Variants in CSNK2A2IP observed in about 807,000 individuals in gnomAD.
CSNK2A2IP encodes casein kinase II subunit alpha'-interacting protein.
At chr3:88,447,543 T>C in the CSNK2A2IP span, among the ~76,000 whole-genome samples, 3 of 152,216 alleles carry the variant, frequency 2.0e-5, no homozygotes, top group South Asian at 6.2e-4. Context: ...AAGGGAAAAT[T>C]ATGGGCTATG....
the CSNK2A2IP span, among the ~76,000 whole-genome samples, chr3:88,450,281 T>A: frequency 6.6e-6 from 1 of 152,164 alleles, no homozygotes. Flanking sequence ...TTAACATGAC[T>A]ATAATCTCAC....
At chr3:88,370,571 CCTTT>C in the CSNK2A2IP span, among the ~76,000 whole-genome samples, 1 of 148,812 alleles carries the variant, frequency 6.7e-6, no homozygotes, top group Non-Finnish European at 1.5e-5. Flanking sequence ...TCCCTTCCTT[CCTTT>C]CTTTCTCTCT....
the CSNK2A2IP span, among the ~76,000 whole-genome samples, chr3:88,386,044 T>G: frequency 6.6e-6 from 1 of 152,334 alleles, no homozygotes; most frequent in South Asian, 2.1e-4. Flanking sequence ...TTGATTCATT[T>G]GGGAGATGTA....
the CSNK2A2IP span, among the ~76,000 whole-genome samples, chr3:88,461,628 C>A: frequency 1.3e-5 from 2 of 152,174 alleles, no homozygotes; most frequent in African/African-American, 4.8e-5. Flanking sequence ...ATCAACTTAA[C>A]ATTTTCACCA....
chr3:88,388,088 C>T, the CSNK2A2IP span, among the ~76,000 whole-genome samples: 1 of 152,130 alleles, frequency 6.6e-6, no homozygotes, highest in Non-Finnish European at 1.5e-5. Context: ...GTGCACAGAA[C>T]TCTTTATTTT....
At chr3:88,341,865 C>A in the CSNK2A2IP span, among the ~76,000 whole-genome samples, 3 of 151,888 alleles carry the variant, frequency 2.0e-5, no homozygotes, top group East Asian at 5.8e-4. Context: ...TGTTTGAAAA[C>A]AATGGTGATG....
At chr3:88,465,636 C>T in the CSNK2A2IP span, 2 of 1,231,520 alleles carry the variant, frequency 1.6e-6, no homozygotes, top group Admixed American at 4.2e-5. Flanking sequence ...CACCATTGTT[C>T]CATGCCAAGC....
chr3:88,411,575 AT>A, the CSNK2A2IP span, among the ~76,000 whole-genome samples: 1 of 151,936 alleles, frequency 6.6e-6, no homozygotes, highest in Non-Finnish European at 1.5e-5. Flanking sequence ...ACAGATACGG[AT>A]TTTGTAGAAA....
At chr3:88,339,861 AC>A in the CSNK2A2IP span, among the ~76,000 whole-genome samples, 1 of 151,996 alleles carries the variant, frequency 6.6e-6, no homozygotes, top group Non-Finnish European at 1.5e-5. Context: ...GTGGAGAGAC[AC>A]CTTTTTAAGA....
the CSNK2A2IP span, among the ~76,000 whole-genome samples, chr3:88,365,162 A>C: frequency 6.6e-6 from 1 of 152,220 alleles, no homozygotes; most frequent in Non-Finnish European, 1.5e-5. Context: ...AATAGATCAA[A>C]ATATACAAGA....
chr3:88,459,691 T>C, the CSNK2A2IP span, among the ~76,000 whole-genome samples: 1 of 152,124 alleles, frequency 6.6e-6, no homozygotes, highest in Non-Finnish European at 1.5e-5. Flanking sequence ...TGTTTTTGCT[T>C]TCATATGTTT....
At chr3:88,383,651 C>CTTTTTTT in the CSNK2A2IP span, among the ~76,000 whole-genome samples, 25 of 88,384 alleles carry the variant, frequency 2.8e-4, no homozygotes, top group African/African-American at 5.1e-4. Context: ...TCTTTTCTTT[C>CTTTTTTT]TTTTTTTTTT....
the CSNK2A2IP span, among the ~76,000 whole-genome samples, chr3:88,368,284 T>A: frequency 6.6e-6 from 1 of 151,786 alleles, no homozygotes; most frequent in African/African-American, 2.4e-5. Flanking sequence ...GCAGGTGACA[T>A]TTTTGCTGGA....
At chr3:88,458,860 C>T in the CSNK2A2IP span, among the ~76,000 whole-genome samples, 7 of 152,166 alleles carry the variant, frequency 4.6e-5, no homozygotes, top group African/African-American at 7.2e-5. Flanking sequence ...GACCATACTG[C>T]GCATTATTTG....
At chr3:88,466,143 C>A in the CSNK2A2IP span, 3 of 1,231,648 alleles carry the variant, frequency 2.4e-6, no homozygotes, top group Admixed American at 8.4e-5. Flanking sequence ...CACCTTCTTT[C>A]AAACCCAATC....
At chr3:88,399,930 CA>C in the CSNK2A2IP span, 1 of 151,898 alleles carries the variant, frequency 6.6e-6, no homozygotes, top group African/African-American at 2.4e-5. Flanking sequence ...AGACAATGCA[CA>C]ATAGAATGAA....
chr3:88,417,851 G>C, the CSNK2A2IP span, among the ~76,000 whole-genome samples: 2 of 152,098 alleles, frequency 1.3e-5, no homozygotes, highest in Non-Finnish European at 2.9e-5. Flanking sequence ...ATTTTGACTT[G>C]AATTGCCTGT....
the CSNK2A2IP span, among the ~76,000 whole-genome samples, chr3:88,340,003 A>G: frequency 6.6e-6 from 1 of 152,026 alleles, no homozygotes. Flanking sequence ...TTGGTCCTTA[A>G]GAACTGGATG....
chr3:88,423,649 G>C, the CSNK2A2IP span, among the ~76,000 whole-genome samples: 3 of 152,124 alleles, frequency 2.0e-5, no homozygotes, highest in East Asian at 5.8e-4. Context: ...CAGAACACGA[G>C]TCTGATCCTT....
Sources: gnomAD v4.1 joint callset for allele counts (sites outside exome capture counted in the v4.1 genomes callset) on GRCh38, gnomAD v4.1.1 for gene constraint, MANE v1.5 for transcripts, NCBI Gene and HGNC (gene_info 2026-07-23, HGNC 2026-07-21) for gene names.